CNBD1: variants seen among roughly 807,000 people sequenced by gnomAD.
CNBD1 encodes the protein cyclic nucleotide binding domain containing 1.
A neutral mutation model predicts 54.4 loss-of-function variants in CNBD1; 71 were observed. The observed-to-expected ratio is 1.30, with a 90% CI of 1.08 to 1.59. CNBD1 has a LOEUF of 1.59. CNBD1 is among the 40% of genes most tolerant of loss of function. The pLI, the probability that CNBD1 is intolerant of heterozygous loss-of-function variation, is 0.00. For missense variants in CNBD1, 659 were observed against 518.0 expected (o/e 1.27, Z -2.64); for synonymous variants, 182 against 170.7 (o/e 1.07, Z -0.51).
At chr8:87,029,729 G>T (rs1163325803) in intron 4 of CNBD1, among the ~76,000 whole-genome samples, 2 of 152,012 alleles carry the variant, frequency 1.3e-5, no homozygotes, top group African/African-American at 4.8e-5. Flanking sequence ...AAAAAAAATG[G>T]ATCACTGGGA....
chr8:87,359,730 A>G (rs60009671), intron 10 of CNBD1, among the ~76,000 whole-genome samples: 3 of 152,124 alleles, frequency 2.0e-5, no homozygotes, highest in African/African-American at 7.2e-5. Flanking sequence ...AAATATATCA[A>G]GTTGAAGACA....
intron 4 of CNBD1, among the ~76,000 whole-genome samples, chr8:87,039,938 G>C (rs1277077689): frequency 6.6e-6 from 1 of 152,152 alleles, no homozygotes; most frequent in Non-Finnish European, 1.5e-5. Flanking sequence ...CTTGGGTGGG[G>C]AGCCACAAGA....
intron 10 of CNBD1, among the ~76,000 whole-genome samples, chr8:87,381,744 A>G (rs1434206580): frequency 6.6e-6 from 1 of 152,014 alleles, no homozygotes; most frequent in Non-Finnish European, 1.5e-5. Context: ...ACATGAAATA[A>G]GCCAGTCACA....
At chr8:87,403,358 C>G (rs770502329) in intron 2 of CNBD1, among the ~76,000 whole-genome samples, 2 of 151,896 alleles carry the variant, frequency 1.3e-5, no homozygotes, top group African/African-American at 2.4e-5. Context: ...TGGCACTTGT[C>G]GTAGATAGAC....
At chr8:87,015,722 G>A (rs1396117119) in intron 4 of CNBD1, among the ~76,000 whole-genome samples, 1 of 151,854 alleles carries the variant, frequency 6.6e-6, no homozygotes, top group Admixed American at 6.6e-5. Context: ...GCTCACGCCT[G>A]TAATCCCAGC....
At chr8:86,961,600 T>C (rs2130470882) in intron 4 of CNBD1, among the ~76,000 whole-genome samples, 1 of 152,270 alleles carries the variant, frequency 6.6e-6, no homozygotes, top group Non-Finnish European at 1.5e-5. Flanking sequence ...GTCCAGAGGA[T>C]CCCCTGGGAT....
At chr8:86,984,402 C>T (rs112116038) in intron 4 of CNBD1, among the ~76,000 whole-genome samples, 37 of 152,256 alleles carry the variant, frequency 2.4e-4, no homozygotes, top group African/African-American at 6.7e-4. Flanking sequence ...CCTACTGGGG[C>T]GCAATCTAGT....
chr8:87,313,879 T>C (rs1489803380), intron 8 of CNBD1, among the ~76,000 whole-genome samples: 1 of 151,892 alleles, frequency 6.6e-6, no homozygotes, highest in African/African-American at 2.4e-5. Context: ...TATAATAGTA[T>C]ACCAAGGCAA....
At chr8:86,967,817 T>TA (rs1491241873) in intron 4 of CNBD1, among the ~76,000 whole-genome samples, 32 of 151,776 alleles carry the variant, frequency 2.1e-4, no homozygotes, top group African/African-American at 7.7e-4. Flanking sequence ...TTTTTTTTTT[T>TA]AACCTGCAGT....
rs142997459 is a variant in CNBD1 at position 86,895,140 on chromosome 8, G to A, written c.158+7529G>A. On this transcript the variant is annotated intron_variant, in intron 2 of 10. Coordinates refer to ENST00000518476, the MANE Select transcript of CNBD1 (RefSeq NM_173538.3). Reference sequence around the variant, plus strand: ...TTAAGCCCCACCTTACAACACTGTGGCACTGGGGATTAAGTTTCAAAAGCA... The same window carrying A: ...TTAAGCCCCACCTTACAACACTGTGACACTGGGGATTAAGTTTCAAAAGCA... 5.4e-3 allele frequency among the ~76,000 whole-genome samples: 816 copies of A among 152,166 alleles called. 5 individuals are homozygous for A. The highest frequency in any genetic ancestry group is 7.7e-3 in the Non-Finnish European group (522 of 68,006).
At chr8:87,259,974 G>T (rs549921066) in intron 6 of CNBD1, among the ~76,000 whole-genome samples, 1 of 152,230 alleles carries the variant, frequency 6.6e-6, no homozygotes, top group South Asian at 2.1e-4. Flanking sequence ...GAAAATTTAA[G>T]ACAGTCCGTG....
At chr8:87,179,301 A>G (rs965947913) in intron 4 of CNBD1, among the ~76,000 whole-genome samples, 1 of 152,222 alleles carries the variant, frequency 6.6e-6, no homozygotes, top group African/African-American at 2.4e-5. Context: ...TCATAAAATA[A>G]TGTATAGAAT....
At chr8:87,420,793 T>A (rs1381333768) in intron 2 of CNBD1, among the ~76,000 whole-genome samples, 1 of 151,612 alleles carries the variant, frequency 6.6e-6, no homozygotes, top group Non-Finnish European at 1.5e-5. Context: ...TTTTTGACAG[T>A]CGTTGGTATA....
chr8:86,922,714 G>T (rs1809294282), intron 3 of CNBD1, among the ~76,000 whole-genome samples: 1 of 152,128 alleles, frequency 6.6e-6, no homozygotes, highest in Non-Finnish European at 1.5e-5. Flanking sequence ...TATGCTAAAA[G>T]GAAGGTACTT....
At chr8:87,165,685 C>A (rs927606961) in intron 4 of CNBD1, among the ~76,000 whole-genome samples, 1 of 151,794 alleles carries the variant, frequency 6.6e-6, no homozygotes, top group Non-Finnish European at 1.5e-5. Context: ...AGTTGGATCT[C>A]GTGTTTTATG....
chr8:87,279,637 A>C (rs1449917394), intron 6 of CNBD1, among the ~76,000 whole-genome samples: 1 of 151,376 alleles, frequency 6.6e-6, no homozygotes, highest in Non-Finnish European at 1.5e-5. Context: ...TTTCATAATG[A>C]GTATGAAATG....
At chr8:87,302,226 G>A (rs185980499) in intron 8 of CNBD1, among the ~76,000 whole-genome samples, 211 of 152,250 alleles carry the variant, frequency 1.4e-3, no homozygotes, top group African/African-American at 4.7e-3. Context: ...GAACATCGAA[G>A]CAAAAATCCT....
chr8:87,087,626 G>C (rs1811128716), intron 4 of CNBD1, among the ~76,000 whole-genome samples: 1 of 151,214 alleles, frequency 6.6e-6, no homozygotes, highest in African/African-American at 2.4e-5. Context: ...ACCACGCCCG[G>C]CTATTTTTTT....
At chr8:87,229,550 T>C (rs1051218822) in intron 5 of CNBD1, among the ~76,000 whole-genome samples, 15 of 152,142 alleles carry the variant, frequency 9.9e-5, no homozygotes, top group Non-Finnish European at 1.9e-4. Flanking sequence ...TTTTAATAAT[T>C]TGTCTATAAA....
Sources: gnomAD v4.1 joint callset for allele counts (sites outside exome capture counted in the v4.1 genomes callset) on GRCh38, gnomAD v4.1.1 for gene constraint, MANE v1.5 for transcripts, NCBI Gene and HGNC (gene_info 2026-07-23, HGNC 2026-07-21) for gene names.